Variants in EPHA8 observed in about 807,000 individuals in gnomAD.
The protein encoded by EPHA8 is EPH receptor A8, also known as ephrin type-A receptor 8.
A neutral mutation model predicts 103.6 loss-of-function variants in EPHA8; 58 were observed. The ratio of observed to expected loss-of-function variants is 0.56; its 90% CI spans 0.45 to 0.70. The LOEUF is 0.70. Ranked by LOEUF, EPHA8 falls within the 30% of genes least tolerant of loss-of-function variation. EPHA8 has a pLI of 0.00. For missense variants in EPHA8, 1,304 were observed against 1,395.2 expected, an observed-to-expected ratio of 0.93 and a Z score of 1.04; for synonymous variants, 559 against 572.5, an observed-to-expected ratio of 0.98 and a Z score of 0.34.
chr1:22,598,232 C>A lies in EPHA8; in HGVS notation c.2178+20C>A. 6.2e-7 allele frequency: 1 copy of A among 1,610,890 alleles called. No homozygotes were observed. On this transcript the variant is annotated intron_variant, in intron 12 of 16. Transcript: ENST00000166244. The surrounding 1 kb of genome is among the most constrained non-coding windows in gnomAD (Gnocchi z 5.1). ...CTGAGGGTGCGTGTCCCACCCCTGC[C>A]TCTTGCATGGGCTTGGGGAGGGAGG...
rs1336826933 is a variant in EPHA8 at position 22,600,929 on chromosome 1, T to A, written c.2570T>A (p.Leu857Gln). The change falls in exon 15 of 17, where the codon CTG (leucine) becomes CAG (glutamine). Residue 857 changes from leucine (L) to glutamine (Q), a missense_variant. By Grantham distance (113) the Leu-to-Gln change is moderately radical. Transcript: ENST00000166244. ...VISSVEEGYR[L>Q]PAPMGCPHAL... Reference sequence around the variant, plus strand: ...AGCTCTGTGGAGGAGGGGTACCGCCTGCCCGCACCCATGGGCTGCCCCCAC... The same window carrying A: ...AGCTCTGTGGAGGAGGGGTACCGCCAGCCCGCACCCATGGGCTGCCCCCAC... 6 of 1,611,408 alleles carry A rather than the reference T, an allele frequency of 3.7e-6. No homozygotes were observed. The highest frequency in any genetic ancestry group is 5.1e-6 in the Non-Finnish European group (6 of 1,179,050).
At chr1:22,579,027 G>A (rs1354739374) in intron 3 of EPHA8, among the ~76,000 whole-genome samples, 1 of 144,828 alleles carries the variant, frequency 6.9e-6, no homozygotes, top group African/African-American at 2.5e-5. Context: ...ATGTGCAAGA[G>A]TATGTATGCA....
In EPHA8 at chr1:22,598,256, G is replaced by T; in HGVS notation, c.2178+44G>T. The T allele has an allele frequency of 6.3e-7, 1 of 1,590,944 alleles. No individual in the cohort carries two copies. Among genetic ancestry groups the T allele is most frequent in the Non-Finnish European group, 8.6e-7 (1 of 1,164,176 alleles). ...CCTCTTGCATGGGCTTGGGGAGGGA[G>T]GTCCAGTCTGGGTGCTGGGAGATAG... is the stretch of plus-strand genomic sequence containing the variant. On this transcript the variant is annotated intron_variant, in intron 12 of 16. Coordinates refer to ENST00000166244, the MANE Select transcript of EPHA8 (RefSeq NM_020526.5). This position sits in a 1 kb window ranked among gnomAD's most constrained non-coding sequence, Gnocchi z 5.1.
At chr1:22,592,306 G>A (rs1641393114) in intron 5 of EPHA8, among the ~76,000 whole-genome samples, 2 of 152,124 alleles carry the variant, frequency 1.3e-5, no homozygotes, top group Admixed American at 1.3e-4. Flanking sequence ...CTTGCAAACA[G>A]TGGCCTCATC....
intron 5 of EPHA8, among the ~76,000 whole-genome samples, chr1:22,592,223 T>C (rs1016581817): frequency 1.3e-5 from 2 of 152,130 alleles, no homozygotes; most frequent in South Asian, 4.1e-4. Flanking sequence ...CTCTGGGCCC[T>C]GGTCTCACTC....
chr1:22,596,034 G>A (rs892032252), intron 8 of EPHA8, 72 bp from the exon 9 acceptor site: 63 of 1,425,184 alleles, frequency 4.4e-5, no homozygotes, highest in Admixed American at 4.3e-4. Flanking sequence ...GCCATGACTC[G>A]TTCCCTGGTT....
chr1:22,578,031 A>C (rs796837942), intron 3 of EPHA8, among the ~76,000 whole-genome samples: 1 of 1,038 alleles, frequency 9.6e-4, no homozygotes, highest in African/African-American at 3.1e-3. Context: ...ACATGTGTGC[A>C]TGTGTATGTA....
intron 9 of EPHA8, among the ~76,000 whole-genome samples, 194 bp downstream of exon 9, chr1:22,596,367 AC>A (rs1351542102): frequency 6.6e-6 from 1 of 152,116 alleles, no homozygotes; most frequent in Non-Finnish European, 1.5e-5. Context: ...GGACTCTCAG[AC>A]CCCATTCAGG....
chr1:22,566,353 T>G (rs1043032717), intron 1 of EPHA8, among the ~76,000 whole-genome samples: 1 of 152,158 alleles, frequency 6.6e-6, no homozygotes, highest in Non-Finnish European at 1.5e-5. Context: ...AATTTAAGTA[T>G]TAGTCTCAGC....
Position 22,598,772 on chromosome 1 carries a change from T to G in EPHA8, c.2179-66T>G. The G allele has an allele frequency of 6.6e-7, 1 of 1,507,930 alleles. No homozygotes were observed. The highest frequency in any genetic ancestry group is 9.1e-7 in the Non-Finnish European group (1 of 1,101,268). 93.4% of individuals were successfully genotyped at this position (1,507,930 alleles called of 1,614,324 possible). On this transcript the variant is annotated intron_variant, in intron 12 of 16. Coordinates refer to ENST00000166244, the MANE Select transcript of EPHA8 (RefSeq NM_020526.5). The surrounding 1 kb of genome is among the most constrained non-coding windows in gnomAD (Gnocchi z 5.1). ...TCGAGAGCATCCTACAGATGGGAGG[T>G]GTTCCTGTTCACGGACCAGGCGCCT... is the stretch of plus-strand genomic sequence containing the variant.
rs570568094 is a variant in EPHA8, at chr1:22,598,486, C to A, written c.2178+274C>A. ...CTGTGGGAATCCAGGCCCCACCCAG[C>A]TGGGGGGCATGCTGGCTGTGGTGGA... On this transcript the variant is annotated intron_variant, in intron 12 of 16. Coordinates refer to ENST00000166244, the MANE Select transcript of EPHA8 (RefSeq NM_020526.5). The surrounding 1 kb of genome is among the most constrained non-coding windows in gnomAD (Gnocchi z 5.1). Among the ~76,000 whole-genome samples the A allele has an allele frequency of 1.4e-4, 22 of 152,346 alleles. No homozygotes were observed. The highest frequency in any genetic ancestry group is 5.3e-4 in the African/African-American group (22 of 41,588).
rs201047906 is a variant in EPHA8 at position 22,601,344 on chromosome 1, G to A, written c.2774G>A (p.Gly925Glu). 4 of 1,607,522 alleles carry A rather than the reference G, an allele frequency of 2.5e-6. No individual in the cohort carries two copies. In the East Asian group the frequency reaches 8.9e-5, roughly 36 times the overall value. The change falls in exon 16 of 17, where the codon GGG (glycine) becomes GAG (glutamate). Residue 925 changes from glycine (G) to glutamate (E), a missense_variant. Physicochemically the swap from Gly to Glu is moderately conservative, Grantham distance 98. Transcript: ENST00000166244. The part of the protein sequence containing the change: ...AFVRSCFDLR[G>E]GSGGGGGLTV... ...GTCCGGAGCTGCTTTGACCTCCGAG[G>A]GGGCAGCGGTGGCGGTGGGGGCCTC...
chr1:22,593,719 A>T, intron 7 of EPHA8, 33 bp downstream of exon 7: 1 of 1,523,548 alleles, frequency 6.6e-7, no homozygotes, highest in South Asian at 1.3e-5. Flanking sequence ...GGCGCGGAGC[A>T]GCCCAGGTGC....
intron 1 of EPHA8, among the ~76,000 whole-genome samples, chr1:22,564,221 T>G (rs1203153781): frequency 2.0e-5 from 3 of 148,168 alleles, no homozygotes; most frequent in African/African-American, 2.5e-5. Context: ...CATTGAGAGA[T>G]AGGAGCCAGG....
Position 22,602,222 on chromosome 1 carries a change from C to T in EPHA8, c.*481C>T. 5.3e-6 allele frequency: 1 copy of T among 188,822 alleles called. No individual in the cohort carries two copies. 11.7% of individuals were successfully genotyped at this position (188,822 alleles called of 1,614,324 possible). On this transcript the variant is annotated 3_prime_UTR_variant, in exon 17 of 17. Coordinates refer to ENST00000166244, the MANE Select transcript of EPHA8 (RefSeq NM_020526.5). The stretch of plus-strand genomic sequence containing the variant: ...ATGTGGGTGATGGTGGATGATGTGT[C>T]ATGAATGAGGAGGTGTGTGAGCAGG...
chr1:22,579,130 CATGT>C (rs1640950957), intron 3 of EPHA8, among the ~76,000 whole-genome samples: 1 of 106,132 alleles, frequency 9.4e-6, no homozygotes, highest in African/African-American at 3.7e-5. Flanking sequence ...TGTATGTGTG[CATGT>C]GTGTGTGCAT....
chr1:22,575,889 C>A (rs753886681), intron 2 of EPHA8, among the ~76,000 whole-genome samples: 10 of 152,128 alleles, frequency 6.6e-5, no homozygotes, highest in Admixed American at 1.3e-4. Context: ...ATAGGAGGAG[C>A]CACAGAGAAA....
Position 22,589,624 on chromosome 1 carries a change from A to C in EPHA8, c.1315+418A>C. 8.2e-7 allele frequency: 1 copy of C among 1,225,078 alleles called. No individual in the cohort carries two copies. Among genetic ancestry groups the C allele is most frequent in the Non-Finnish European group, 1.0e-6 (1 of 983,780 alleles). The allele number at this position is 1,225,078 out of a possible 1,614,324, so 75.9% of individuals were successfully genotyped here. A position where few individuals can be genotyped will look rare whatever the true frequency, so the allele number is the denominator to read the frequency against. On this transcript the variant is annotated intron_variant, in intron 5 of 16. Coordinates refer to ENST00000166244, the MANE Select transcript of EPHA8 (RefSeq NM_020526.5). This position sits in a 1 kb window ranked among gnomAD's most constrained non-coding sequence, Gnocchi z 4.3. Reference sequence around the variant, plus strand: ...ATAAATGTCATTAAAAAATAAAATCACTCGGATGATCATTTTCCAGAACAG... The same window carrying C: ...ATAAATGTCATTAAAAAATAAAATCCCTCGGATGATCATTTTCCAGAACAG...
chr1:22,566,015 C>T (rs1350369395), intron 1 of EPHA8, among the ~76,000 whole-genome samples: 2 of 152,158 alleles, frequency 1.3e-5, no homozygotes, highest in African/African-American at 4.8e-5. Flanking sequence ...ACTGTTGGAA[C>T]TCAGGGAGGG....
Sources: allele counts gnomAD v4.1 joint callset (sites outside exome capture counted in the v4.1 genomes callset), GRCh38; gene constraint gnomAD v4.1.1; non-coding constraint Gnocchi (gnomAD v3.1); transcripts MANE v1.5; gene names NCBI Gene and HGNC (gene_info 2026-07-23, HGNC 2026-07-21).